CPLANE1: variants seen among roughly 807,000 people sequenced by gnomAD.
CPLANE1 encodes ciliogenesis and planar polarity effector 1.
CPLANE1 carries 263 observed loss-of-function variants against 362.5 expected under a neutral mutation model. The ratio of observed to expected loss-of-function variants is 0.73; its 90% CI spans 0.66 to 0.80. The LOEUF (loss-of-function observed/expected upper bound fraction) is 0.80. Ranked by LOEUF, CPLANE1 falls within the 30% of genes least tolerant of loss-of-function variation. CPLANE1 has a pLI of 0.00. For synonymous variants in CPLANE1, 1,212 were observed against 1,302.6 expected, an observed-to-expected ratio of 0.93 and a Z score of 1.50; for missense variants, 3,461 against 3,793.4, an observed-to-expected ratio of 0.91 and a Z score of 2.30.
rs377351238 is a variant in CPLANE1 at position 37,238,866 on chromosome 5, G to A, written c.929C>T (p.Thr310Ile). 2.0e-6 allele frequency: 3 copies of A among 1,504,790 alleles called. No individual in the cohort carries two copies. The highest frequency in any genetic ancestry group is 2.7e-6 in the Non-Finnish European group (3 of 1,123,402). The allele number at this position is 1,504,790 out of a possible 1,614,324, so 93.2% of individuals were successfully genotyped here. Residue 310 changes from threonine to isoleucine, a missense_variant, in exon 8 of 53, where the codon ACA becomes ATA. Physicochemically the swap from Thr to Ile is moderately conservative, Grantham distance 89. This residue lies in a region of CPLANE1 where 3,380 missense variants were observed against 3,666.1 expected (regional missense o/e 0.92). Coordinates refer to ENST00000651892, the MANE Select transcript of CPLANE1 (RefSeq NM_001384732.1). ...CSNKSPVVPA[T>I]LIRSYWVGDI... ...ACAAAAGAGTTCTTACCTAATAAGT[G>A]TAGCTGGAACCACGGGACTCTTGTT...
intron 20 of CPLANE1, among the ~76,000 whole-genome samples, chr5:37,197,285 A>G (rs10073595): frequency 0.016 from 2,473 of 152,330 alleles, 69 homozygotes; most frequent in African/African-American, 0.056. Flanking sequence ...TTCTCCTGCT[A>G]GTGTCACTTC....
intron 17 of CPLANE1, 120 bp downstream of exon 17, chr5:37,206,077 C>T (rs1337073099): frequency 3.0e-5 from 21 of 706,288 alleles, no homozygotes; most frequent in Admixed American, 1.1e-4. Context: ...CACTAAAGAA[C>T]GTTCCATTGA....
At chr5:37,123,339 CA>C (rs1484518406) in intron 47 of CPLANE1, among the ~76,000 whole-genome samples, 2 of 152,060 alleles carry the variant, frequency 1.3e-5, no homozygotes, top group Admixed American at 1.3e-4. Flanking sequence ...TTCACTTTTT[CA>C]AGGTCCTGTG....
At chr5:37,146,025 C>A (rs1377335464) in intron 43 of CPLANE1, among the ~76,000 whole-genome samples, 1 of 152,144 alleles carries the variant, frequency 6.6e-6, no homozygotes, top group African/African-American at 2.4e-5. Flanking sequence ...AACTCAGACT[C>A]TGAAAAACAC....
intron 8 of CPLANE1, among the ~76,000 whole-genome samples, chr5:37,235,921 G>A (rs1482752560): frequency 6.7e-6 from 1 of 148,150 alleles, no homozygotes; most frequent in African/African-American, 2.5e-5. Context: ...CCAGGCTGGA[G>A]TGCAACGGTG....
intron 7 of CPLANE1, among the ~76,000 whole-genome samples, chr5:37,239,495 A>C (rs1799804533): frequency 6.7e-6 from 1 of 149,948 alleles, no homozygotes; most frequent in Non-Finnish European, 1.5e-5. Flanking sequence ...AGGTGAGAGG[A>C]TCACTTGAGC....
chr5:37,165,548 C>T lies in CPLANE1; in HGVS notation c.7524G>A (p.Lys2508=), dbSNP rs1298976043. The change falls in exon 36 of 53, where the codon AAG becomes AAA. Residue 2508 remains lysine (K), a synonymous_variant. Transcript: ENST00000651892. ...AGCAGTTTTTCTATACCTTGGGTTT[C>T]TTAATGATTTCTGAATCATCATTAT... ...IINNDDSEII[K]KPKEQQEHCG... is the part of the protein sequence containing the mutation. 5 of 1,608,190 alleles carry T rather than the reference C, an allele frequency of 3.1e-6. No homozygotes were observed. The highest frequency in any genetic ancestry group is 2.5e-6 in the Non-Finnish European group (3 of 1,178,566).
chr5:37,109,428 C>T (rs1171882268), intron 51 of CPLANE1, among the ~76,000 whole-genome samples: 5 of 152,182 alleles, frequency 3.3e-5, no homozygotes, highest in Non-Finnish European at 5.9e-5. Flanking sequence ...TTCTAACACA[C>T]CTCTGCTCTC....
At chr5:37,220,525 ATT>A (rs879814754) in intron 15 of CPLANE1, among the ~76,000 whole-genome samples, 1 of 146,550 alleles carries the variant, frequency 6.8e-6, no homozygotes, top group Non-Finnish European at 1.5e-5. Context: ...TCTTAAACAG[ATT>A]TTTTTTTTTT....
chr5:37,157,147 C>T (rs1775346504), intron 41 of CPLANE1, among the ~76,000 whole-genome samples, 166 bp downstream of exon 41: 1 of 152,106 alleles, frequency 6.6e-6, no homozygotes, highest in Admixed American at 6.5e-5. Context: ...TCCATGGTTC[C>T]CAGCTTTGGA....
intron 20 of CPLANE1, among the ~76,000 whole-genome samples, chr5:37,196,677 G>A (rs1787561138): frequency 6.6e-6 from 1 of 152,184 alleles, no homozygotes; most frequent in Non-Finnish European, 1.5e-5. Context: ...TGTAATCCCA[G>A]CACTTTAGGG....
intron 38 of CPLANE1, among the ~76,000 whole-genome samples, chr5:37,160,373 G>A (rs1266858851): frequency 6.6e-6 from 1 of 152,116 alleles, no homozygotes; most frequent in African/African-American, 2.4e-5. Flanking sequence ...TGGCCAACAT[G>A]GTGAAACCCT....
At chr5:37,197,068 C>T (rs866582310) in intron 20 of CPLANE1, among the ~76,000 whole-genome samples, 2 of 151,150 alleles carry the variant, frequency 1.3e-5, no homozygotes, top group Admixed American at 1.3e-4. Context: ...AATGAAGAAA[C>T]GATCAGACAA....
chr5:37,169,678 ATTATTTATTC>A, intron 33 of CPLANE1, 117 bp from the exon 34 acceptor site: 2 of 792,582 alleles, frequency 2.5e-6, no homozygotes, highest in Non-Finnish European at 2.0e-6. Context: ...AAAAAAAAAA[ATTATTTATTC>A]AATAAAAAAC....
At chr5:37,122,182 T>C (rs977781565) in intron 48 of CPLANE1, among the ~76,000 whole-genome samples, 7 of 152,182 alleles carry the variant, frequency 4.6e-5, no homozygotes, top group African/African-American at 1.7e-4. Flanking sequence ...CATGTAAATA[T>C]CTGGGTTGGG....
intron 51 of CPLANE1, among the ~76,000 whole-genome samples, chr5:37,113,620 G>T (rs571942875): frequency 7.9e-5 from 12 of 152,150 alleles, no homozygotes; most frequent in African/African-American, 2.9e-4. Flanking sequence ...AGAAAATACC[G>T]CCATAGACAT....
chr5:37,099,917 C>T, the CPLANE1 span, among the ~76,000 whole-genome samples: 2 of 152,134 alleles, frequency 1.3e-5, no homozygotes, highest in South Asian at 4.1e-4. Flanking sequence ...GTGTCTCCTT[C>T]TGAGAAGCAT....
intron 50 of CPLANE1, among the ~76,000 whole-genome samples, chr5:37,116,703 C>T (rs1761110752): frequency 6.6e-6 from 1 of 151,936 alleles, no homozygotes; most frequent in Non-Finnish European, 1.5e-5. Flanking sequence ...AGATAGAAAG[C>T]AACATAGAGT....
rs1000425368 is a variant in CPLANE1, at chr5:37,213,824, C to T, written c.2747-92G>A. 2.8e-5 allele frequency: 30 copies of T among 1,056,746 alleles called. No individual in the cohort carries two copies. The Middle Eastern group carries it at 3.6e-3, about 126-fold the overall frequency. The allele number at this position is 1,056,746 out of a possible 1,614,324, so 65.5% of individuals were successfully genotyped here. A position where few individuals can be genotyped will look rare whatever the true frequency, so the allele number is the denominator to read the frequency against. On this transcript the variant is annotated intron_variant, in intron 15 of 52. Coordinates refer to ENST00000651892, the MANE Select transcript of CPLANE1 (RefSeq NM_001384732.1). ...CCAACATTATACAAAAAGAAAATTG[C>T]AATACCTTTTTTTCTGAGATAAGCA... is the stretch of plus-strand genomic sequence containing the variant.
Sources: gnomAD v4.1 joint callset for allele counts (sites outside exome capture counted in the v4.1 genomes callset) on GRCh38, gnomAD v4.1.1 for gene constraint, gnomAD v4.1.1 regional missense constraint, MANE v1.5 for transcripts, NCBI Gene and HGNC (gene_info 2026-07-23, HGNC 2026-07-21) for gene names.